TRIM14: variants seen among roughly 807,000 people sequenced by gnomAD.
The protein encoded by TRIM14 is tripartite motif containing 14, also known as tripartite motif-containing protein 14.
A neutral mutation model predicts 44.5 loss-of-function variants in TRIM14; 28 were observed. The ratio of observed to expected loss-of-function variants is 0.63; its 90% CI spans 0.47 to 0.86. TRIM14 has a LOEUF of 0.86. TRIM14 is among the 40% of genes least tolerant of loss of function. TRIM14 has a pLI of 0.00. For synonymous variants in TRIM14, 299 were observed against 269.2 expected, an observed-to-expected ratio of 1.11 and a Z score of -1.08; for missense variants, 607 against 611.1, an observed-to-expected ratio of 0.99 and a Z score of 0.07.
intron 2 of TRIM14, 121 bp downstream of exon 2, chr9:98,109,768 G>A: frequency 2.6e-6 from 2 of 762,234 alleles, no homozygotes; most frequent in South Asian, 3.3e-5. Flanking sequence ...GAAGCTCCAG[G>A]CCCCACCATC....
At chr9:98,053,638 T>TACACAC in the TRIM14 span, among the ~76,000 whole-genome samples, 21 of 150,684 alleles carry the variant, frequency 1.4e-4, no homozygotes, top group African/African-American at 4.6e-4. Context: ...ATGTTTAACA[T>TACACAC]ACACACACAC....
chr9:98,115,158 C>G (rs567727846), intron 1 of TRIM14, among the ~76,000 whole-genome samples: 42 of 150,348 alleles, frequency 2.8e-4, no homozygotes, highest in African/African-American at 8.8e-4. Flanking sequence ...GGCATGATCT[C>G]GGCTCACTGC....
rs10606237 is a variant in TRIM14, at chr9:98,073,271, C to CTTTTTTTTTTTT, written c.*29-3596_*29-3585dup. ...GTTCTCCCCAGCTCATCACCATGGG[C>CTTTTTTTTTTTT]TTTTTTTTTTTTTTTTTTTTTTTTT... On this transcript the variant is annotated intron_variant, in intron 6 of 6. Coordinates refer to the TRIM14 transcript ENST00000375098. 5.2e-5 allele frequency among the ~76,000 whole-genome samples: 3 copies of CTTTTTTTTTTTT among 57,826 alleles called. 1 individual carries two copies. Among genetic ancestry groups the CTTTTTTTTTTTT allele is most frequent in the African/African-American group, 1.8e-4 (2 of 11,414 alleles). The allele number at this position is 57,826 out of a possible 152,430, so 37.9% of individuals were successfully genotyped here. A position where few individuals can be genotyped will look rare whatever the true frequency, so the allele number is the denominator to read the frequency against.
chr9:98,073,948 G>T (rs770060113), intron 6 of TRIM14, among the ~76,000 whole-genome samples: 1 of 151,932 alleles, frequency 6.6e-6, no homozygotes, highest in Non-Finnish European at 1.5e-5. Flanking sequence ...CACACACCCG[G>T]CTAATTTTTA....
At position 98,088,015 on chromosome 9, in the gene TRIM14, G is replaced by C. The variant is rs767223604; in HGVS notation, c.794-10C>G. ...GTGGGCGTGCGCGCGTCTGCAGGGGGCGAGACAAGGGACGCACCTGGTGGG... is the reference window on the plus strand; with the variant it reads ...GTGGGCGTGCGCGCGTCTGCAGGGGCCGAGACAAGGGACGCACCTGGTGGG... On this transcript the variant is annotated splice_polypyrimidine_tract_variant and intron_variant, in intron 5 of 5. Transcript: ENST00000341469. The C allele has an allele frequency of 2.6e-6, 4 of 1,509,966 alleles. No homozygotes were observed. Among genetic ancestry groups the C allele is most frequent in the Non-Finnish European group, 3.5e-6 (4 of 1,142,886 alleles). 93.5% of individuals were successfully genotyped at this position (1,509,966 alleles called of 1,614,324 possible).
At chr9:98,047,710 T>C in the TRIM14 span, among the ~76,000 whole-genome samples, 8 of 152,004 alleles carry the variant, frequency 5.3e-5, no homozygotes, top group Admixed American at 1.3e-4. Flanking sequence ...ATGGCAATTA[T>C]GGGGGAATTC....
the TRIM14 span, among the ~76,000 whole-genome samples, chr9:98,051,124 T>C: frequency 6.6e-6 from 1 of 152,140 alleles, no homozygotes; most frequent in Non-Finnish European, 1.5e-5. Flanking sequence ...GAGAGACCGT[T>C]TGATATTCTA....
In TRIM14 at chr9:98,086,693, GA is replaced by G. The variant is rs1312563035; in HGVS notation, c.*776del. On this transcript the variant is annotated 3_prime_UTR_variant, in exon 6 of 6. Coordinates refer to ENST00000341469, the MANE Select transcript of TRIM14 (RefSeq NM_014788.4). ...AATGTGCTGGCAGCAGAGAGGTGTGGAGGTGGAACTATGCGACACATTTCTG... is the reference window on the plus strand; with the variant it reads ...AATGTGCTGGCAGCAGAGAGGTGTGGGGTGGAACTATGCGACACATTTCTG... The G allele has an allele frequency of 6.6e-6, 1 of 152,258 alleles. No individual in the cohort carries two copies. Among genetic ancestry groups the G allele is most frequent in the Admixed American group, 6.5e-5 (1 of 15,274 alleles). 9.4% of individuals were successfully genotyped at this position (152,258 alleles called of 1,614,324 possible).
intron 3 of TRIM14, among the ~76,000 whole-genome samples, chr9:98,096,293 G>A (rs535035055): frequency 6.6e-6 from 1 of 152,186 alleles, no homozygotes; most frequent in South Asian, 2.1e-4. Context: ...CCTCATTTTG[G>A]TGGGGAACCA....
intron 6 of TRIM14, chr9:98,077,060 C>T (rs771289187): frequency 5.5e-6 from 8 of 1,461,124 alleles, no homozygotes; most frequent in Non-Finnish European, 7.5e-6. Context: ...GGAGTCCAAA[C>T]CTTCATATTT....
chr9:98,082,819 G>T (rs766874884), downstream of TRIM14: 1 of 1,608,638 alleles, frequency 6.2e-7, no homozygotes, highest in Non-Finnish European at 8.5e-7. Context: ...CTGTGAAGCT[G>T]GCACTGAATG....
intron 5 of TRIM14, among the ~76,000 whole-genome samples, chr9:98,091,164 A>C (rs1825981174): frequency 6.6e-6 from 1 of 152,200 alleles, no homozygotes; most frequent in Non-Finnish European, 1.5e-5. Flanking sequence ...CAATTCAACA[A>C]ATGTGTACAA....
At chr9:98,047,603 TA>T in the TRIM14 span, among the ~76,000 whole-genome samples, 1 of 152,136 alleles carries the variant, frequency 6.6e-6, no homozygotes, top group Non-Finnish European at 1.5e-5. Context: ...CATTATCTGA[TA>T]TTTTTGAGTT....
the TRIM14 span, among the ~76,000 whole-genome samples, chr9:98,035,935 G>A: frequency 0.27 from 41,534 of 152,186 alleles, 5,908 homozygotes; most frequent in Admixed American, 0.31. Flanking sequence ...TGTAGGCCGG[G>A]TGTGGTGGCT....
downstream of TRIM14, chr9:98,081,348 T>G (rs1254191157): frequency 4.1e-6 from 2 of 491,304 alleles, no homozygotes; most frequent in Non-Finnish European, 7.3e-6. Flanking sequence ...CCACTAATTC[T>G]CTGAAGCCCA....
At chr9:98,066,520 A>G (rs1453307271), downstream of TRIM14, among the ~76,000 whole-genome samples, 3 of 152,186 alleles carry the variant, frequency 2.0e-5, no homozygotes, top group African/African-American at 7.2e-5. Context: ...GTGTTTAGTA[A>G]TATTTACAGA....
At chr9:98,118,461 G>A (rs889419611) in intron 1 of TRIM14, among the ~76,000 whole-genome samples, 4 of 152,208 alleles carry the variant, frequency 2.6e-5, no homozygotes, top group African/African-American at 7.2e-5. Context: ...TGGCCGGGGA[G>A]GGGAGAGGAG....
the TRIM14 span, among the ~76,000 whole-genome samples, chr9:98,044,116 C>T: frequency 6.6e-6 from 1 of 151,546 alleles, no homozygotes; most frequent in Non-Finnish European, 1.5e-5. Context: ...AGTGTGTCAC[C>T]ACTGAGGTGT....
rs768922852 is a variant in TRIM14 at position 98,087,983 on chromosome 9, A to C, written c.816T>G (p.Asp272Glu). Reference sequence around the variant, plus strand: ...GCAGGCGCGCGTGCATCGTGTCAGGATCCAGCGTGGGCGTGCGCGCGTCTG... The same window carrying C: ...GCAGGCGCGCGTGCATCGTGTCAGGCTCCAGCGTGGGCGTGCGCGCGTCTG... ...LLKYARTPTLDPDTMHARLRL... is the reference protein window; with the variant it reads ...LLKYARTPTLEPDTMHARLRL... The change falls in exon 6 of 6, where the codon GAT becomes GAG. Residue 272 changes from aspartate (D) to glutamate (E), a missense_variant. Transcript: ENST00000341469. 1.9e-6 allele frequency: 3 copies of C among 1,555,972 alleles called. No homozygotes were observed. The highest frequency in any genetic ancestry group is 2.8e-5 in the African/African-American group (2 of 70,444).
Sources: gnomAD v4.1 joint callset for allele counts (sites outside exome capture counted in the v4.1 genomes callset) on GRCh38, gnomAD v4.1.1 for gene constraint, MANE v1.5 for transcripts, NCBI Gene and HGNC (gene_info 2026-07-23, HGNC 2026-07-21) for gene names.